Variants in SUGCT observed in about 807,000 individuals in gnomAD.
SUGCT encodes succinyl-CoA:glutarate CoA-transferase.
Under a neutral mutation model 55.0 loss-of-function variants are expected in SUGCT, and 41 were observed. The ratio of observed to expected loss-of-function variants is 0.74; its 90% CI spans 0.58 to 0.97. The LOEUF is 0.97. Ranked by LOEUF, SUGCT falls within the 50% of genes least tolerant of loss-of-function variation. SUGCT has a pLI of 0.00. For missense variants in SUGCT, 568 were observed against 547.8 expected, an observed-to-expected ratio of 1.04 and a Z score of -0.37; for synonymous variants, 187 against 200.4, an observed-to-expected ratio of 0.93 and a Z score of 0.56.
intron 7 of SUGCT, among the ~76,000 whole-genome samples, chr7:40,249,312 G>GCTATCTATATCTATATATCTAT (rs1421104147): frequency 9.0e-5 from 2 of 22,206 alleles, no homozygotes; most frequent in Non-Finnish European, 1.4e-4. Context: ...ACACCAAAAA[G>GCTATCTATATCTATATATCTAT]CTATATATAT....
intron 9 of SUGCT, among the ~76,000 whole-genome samples, chr7:40,351,595 C>G (rs1797636149): frequency 6.6e-6 from 1 of 152,102 alleles, no homozygotes; most frequent in South Asian, 2.1e-4. Context: ...TAACTGTGAT[C>G]AGAGTTCCAC....
chr7:40,561,210 C>T (rs546224446), intron 12 of SUGCT, among the ~76,000 whole-genome samples: 17 of 152,286 alleles, frequency 1.1e-4, no homozygotes, highest in African/African-American at 2.9e-4. Context: ...AATGCCATGA[C>T]GCTATGTGTA....
At chr7:40,896,806 G>A in the SUGCT span, among the ~76,000 whole-genome samples, 8 of 152,050 alleles carry the variant, frequency 5.3e-5, no homozygotes, top group African/African-American at 7.2e-5. Flanking sequence ...TAGATTTAAC[G>A]CAATCCCAAT....
chr7:40,924,636 A>G, the SUGCT span, among the ~76,000 whole-genome samples: 1 of 152,186 alleles, frequency 6.6e-6, no homozygotes, highest in Non-Finnish European at 1.5e-5. Context: ...GCATGGATCC[A>G]AGGACCTCAG....
rs145486034 is a variant in SUGCT at position 40,703,337 on chromosome 7, G to C, written c.1090-46097G>C. On this transcript the variant is annotated intron_variant, in intron 12 of 13. Transcript: ENST00000335693. Reference sequence around the variant, plus strand: ...TCGGGGTCCTTGCCAGGGTCCGATTGACCATGGTTCTTTTGAACAGATTTT... The same window carrying C: ...TCGGGGTCCTTGCCAGGGTCCGATTCACCATGGTTCTTTTGAACAGATTTT... Among the ~76,000 whole-genome samples the C allele has an allele frequency of 5.3e-4, 81 of 152,204 alleles. No individual in the cohort carries two copies. The Middle Eastern group carries it at 0.01, about 19-fold the overall frequency.
chr7:41,004,425 C>G, the SUGCT span, among the ~76,000 whole-genome samples: 4 of 152,180 alleles, frequency 2.6e-5, no homozygotes, highest in Admixed American at 1.3e-4. Context: ...CAATCCTAAG[C>G]AGGGTGGGCA....
At chr7:40,710,267 C>T (rs1032957561) in intron 12 of SUGCT, among the ~76,000 whole-genome samples, 1 of 152,190 alleles carries the variant, frequency 6.6e-6, no homozygotes, top group African/African-American at 2.4e-5. Flanking sequence ...TAGAACGCAA[C>T]ACAGAGGAGA....
At chr7:40,737,700 A>G (rs1787237988) in intron 12 of SUGCT, among the ~76,000 whole-genome samples, 1 of 152,226 alleles carries the variant, frequency 6.6e-6, no homozygotes. Context: ...GGTATTGATT[A>G]CATTTTTATT....
At chr7:40,289,200 T>C (rs935378406) in intron 8 of SUGCT, among the ~76,000 whole-genome samples, 3 of 151,954 alleles carry the variant, frequency 2.0e-5, no homozygotes, top group African/African-American at 7.3e-5. Flanking sequence ...GGATTATCCA[T>C]GTGGGCCTAA....
At chr7:40,897,051 C>G in the SUGCT span, among the ~76,000 whole-genome samples, 3 of 152,168 alleles carry the variant, frequency 2.0e-5, no homozygotes, top group Non-Finnish European at 4.4e-5. Context: ...AGAATAAATC[C>G]ACACCTTTAT....
At chr7:40,563,251 A>G (rs1259863841) in intron 12 of SUGCT, among the ~76,000 whole-genome samples, 1 of 151,980 alleles carries the variant, frequency 6.6e-6, no homozygotes, top group Non-Finnish European at 1.5e-5. Flanking sequence ...AATTTGTAAA[A>G]ATTTTAGCTA....
At chr7:40,761,021 T>C (rs1308105411) in intron 13 of SUGCT, among the ~76,000 whole-genome samples, 1 of 152,226 alleles carries the variant, frequency 6.6e-6, no homozygotes, top group East Asian at 1.9e-4. Flanking sequence ...TTTTCAACCA[T>C]TAAACCTTGA....
rs566753959 is a variant in SUGCT at position 40,437,020 on chromosome 7, T to C, written c.817-12267T>C. Among the ~76,000 whole-genome samples, 3 of 152,184 alleles carry C rather than the reference T, an allele frequency of 2.0e-5. 1 individual carries two copies. The South Asian group carries it at 6.2e-4, about 32-fold the overall frequency. On this transcript the variant is annotated intron_variant, in intron 9 of 13. Coordinates refer to ENST00000335693, the MANE Select transcript of SUGCT (RefSeq NM_001193313.2). Reference sequence around the variant, plus strand: ...TAGTTCAGGTTTCTTAAAACCAGTTTTTGGCCTATATTCCTCAGGAAGAAA... The same window carrying C: ...TAGTTCAGGTTTCTTAAAACCAGTTCTTGGCCTATATTCCTCAGGAAGAAA...
At chr7:40,888,861 C>T in the SUGCT span, among the ~76,000 whole-genome samples, 22 of 152,190 alleles carry the variant, frequency 1.4e-4, no homozygotes, top group Non-Finnish European at 2.8e-4. Context: ...CTCAGATGCA[C>T]CTGGGTGTGG....
chr7:40,599,942 G>A (rs909988034), intron 12 of SUGCT, among the ~76,000 whole-genome samples: 8 of 152,078 alleles, frequency 5.3e-5, no homozygotes, highest in Non-Finnish European at 1.2e-4. Flanking sequence ...GGATACCTGC[G>A]TTTCTCATTG....
At chr7:40,854,104 C>G (rs1158298192) in intron 13 of SUGCT, among the ~76,000 whole-genome samples, 1 of 152,158 alleles carries the variant, frequency 6.6e-6, no homozygotes, top group Admixed American at 6.5e-5. Flanking sequence ...AAAATCTTGC[C>G]ATATTTTGGA....
chr7:40,447,789 A>C (rs1335773886), intron 9 of SUGCT, among the ~76,000 whole-genome samples: 3 of 152,184 alleles, frequency 2.0e-5, no homozygotes, highest in Non-Finnish European at 4.4e-5. Context: ...CCAGTCAAGG[A>C]AAACAGTCTT....
intron 9 of SUGCT, chr7:40,387,933 AAC>A (rs1460567536): frequency 6.6e-6 from 1 of 152,190 alleles, no homozygotes; most frequent in Non-Finnish European, 1.5e-5. Context: ...TCCCTGAGGA[AAC>A]ACAGCCTGTA....
At chr7:40,282,243 G>A (rs144492295) in intron 8 of SUGCT, among the ~76,000 whole-genome samples, 2 of 152,086 alleles carry the variant, frequency 1.3e-5, no homozygotes, top group East Asian at 1.9e-4. Context: ...TAAGGTGGGC[G>A]AATCATTTGA....
Sources: gnomAD v4.1 joint callset for allele counts (sites outside exome capture counted in the v4.1 genomes callset) on GRCh38, gnomAD v4.1.1 for gene constraint, MANE v1.5 for transcripts, NCBI Gene and HGNC (gene_info 2026-07-23, HGNC 2026-07-21) for gene names.